Variants in ANKRD42 observed in about 807,000 individuals in gnomAD.
The protein encoded by ANKRD42 is ankyrin repeat domain 42.
ANKRD42 carries 43 observed loss-of-function variants against 51.5 expected under a neutral mutation model. That is an observed-to-expected ratio of 0.83 (90% CI 0.65 to 1.08). The LOEUF (loss-of-function observed/expected upper bound fraction) is 1.08, where lower values mean the gene tolerates loss of function less well. Among genes scored for constraint, ANKRD42 ranks in the 50% least tolerant of loss-of-function variants. The pLI, the probability that ANKRD42 is intolerant of heterozygous loss-of-function variation, is 0.00. For synonymous variants in ANKRD42, 203 were observed against 213.0 expected (o/e 0.95, Z 0.41); for missense variants, 608 against 629.3 (o/e 0.97, Z 0.36).
Position 83,209,039 on chromosome 11 carries a change from A to G in ANKRD42, c.331-1261A>G, listed in dbSNP as rs180752291. On this transcript the variant is annotated intron_variant, in intron 3 of 10. Transcript: ENST00000533342. ...TTGCAAATTCAGATGGAACCTCTTT[A>G]GATGTAGTTAGAAACTTGATTTGGA... Among the ~76,000 whole-genome samples, 11 of 152,334 alleles carry G rather than the reference A, an allele frequency of 7.2e-5. No homozygotes were observed. In the East Asian group the frequency reaches 1.7e-3, roughly 24 times the overall value.
At chr11:83,243,332 T>A (rs1863446970) in intron 9 of ANKRD42, among the ~76,000 whole-genome samples, 1 of 152,126 alleles carries the variant, frequency 6.6e-6, no homozygotes, top group African/African-American at 2.4e-5. Flanking sequence ...TAGTGTAGTG[T>A]CTCGACATCA....
In ANKRD42 at chr11:83,214,375, A is replaced by G. The variant is rs1288240076; in HGVS notation, c.586+2945A>G. 7.3e-6 allele frequency: 7 copies of G among 953,070 alleles called. No homozygotes were observed. The East Asian group carries it at 8.1e-4, about 110-fold the overall frequency. The allele number at this position is 953,070 out of a possible 1,614,324, so 59.0% of individuals were successfully genotyped here. On this transcript the variant is annotated intron_variant, in intron 5 of 10. Coordinates refer to ENST00000533342, the MANE Select transcript of ANKRD42 (RefSeq NM_001300975.2). ...GACTTTTCCGTGTGTAATACAAGGT[A>G]GGGGTCAGTTTTATTTTTGTATTGT...
chr11:83,250,415 A>G (rs2135563004), downstream of ANKRD42, among the ~76,000 whole-genome samples: 1 of 152,292 alleles, frequency 6.6e-6, no homozygotes, highest in South Asian at 2.1e-4. Context: ...AGGAGGTAGA[A>G]TGATATATAT....
At chr11:83,224,717 G>A in intron 5 of ANKRD42, 138 bp from the exon 6 acceptor site, 1 of 568,284 alleles carries the variant, frequency 1.8e-6, no homozygotes, top group East Asian at 3.5e-5. Flanking sequence ...CCAGGAGTTG[G>A]AGGCTATAAT....
intron 2 of ANKRD42, among the ~76,000 whole-genome samples, chr11:83,201,273 G>T (rs1483313548): frequency 1.3e-5 from 2 of 152,072 alleles, no homozygotes; most frequent in Non-Finnish European, 2.9e-5. Flanking sequence ...TCCTGTGTTA[G>T]TTTGCTAAGA....
intron 7 of ANKRD42, among the ~76,000 whole-genome samples, chr11:83,228,236 T>C (rs1286362016): frequency 0.096 from 2,524 of 26,362 alleles, 418 homozygotes; most frequent in African/African-American, 0.17. Flanking sequence ...TCTCTCTTTT[T>C]TTTTTTTTTT....
downstream of ANKRD42, among the ~76,000 whole-genome samples, chr11:83,250,345 C>A (rs931544664): frequency 6.6e-6 from 1 of 152,110 alleles, no homozygotes; most frequent in Admixed American, 6.5e-5. Context: ...TTTTTGATAA[C>A]AGCTGTTTTT....
At chr11:83,218,866 T>G (rs1285726827) in intron 5 of ANKRD42, among the ~76,000 whole-genome samples, 1 of 152,200 alleles carries the variant, frequency 6.6e-6, no homozygotes, top group Non-Finnish European at 1.5e-5. Flanking sequence ...ATAAGGGACT[T>G]CACTCCATTT....
chr11:83,247,888 A>G (rs1397157112), intron 10 of ANKRD42, 55 bp from the exon 11 acceptor site: 7 of 1,421,146 alleles, frequency 4.9e-6, no homozygotes, highest in Non-Finnish European at 5.7e-6. Flanking sequence ...CACTACTAAA[A>G]GTAATTATTA....
intron 3 of ANKRD42, among the ~76,000 whole-genome samples, chr11:83,208,215 G>GGC (rs1565179083): frequency 1.2e-4 from 18 of 151,654 alleles, no homozygotes; most frequent in African/African-American, 4.1e-4. Context: ...ATGTCTGTGG[G>GGC]AGGGGGGGGT....
chr11:83,252,608 G>A (rs1257998719), downstream of ANKRD42, among the ~76,000 whole-genome samples: 1 of 152,080 alleles, frequency 6.6e-6, no homozygotes, highest in Admixed American at 6.5e-5. Context: ...AACACATACC[G>A]TGTGATTACA....
intron 2 of ANKRD42, among the ~76,000 whole-genome samples, chr11:83,199,925 T>C (rs1467512557): frequency 6.6e-6 from 1 of 152,202 alleles, no homozygotes; most frequent in Non-Finnish European, 1.5e-5. Flanking sequence ...TGGAGCCTGA[T>C]GGTTCTTTGT....
intron 2 of ANKRD42, among the ~76,000 whole-genome samples, chr11:83,200,539 C>T (rs566787407): frequency 6.6e-6 from 1 of 152,242 alleles, no homozygotes; most frequent in African/African-American, 2.4e-5. Context: ...TTCATATAAT[C>T]AAAACACATT....
chr11:83,206,371 G>T (rs1240202589), intron 3 of ANKRD42, among the ~76,000 whole-genome samples: 1 of 152,038 alleles, frequency 6.6e-6, no homozygotes, highest in Non-Finnish European at 1.5e-5. Flanking sequence ...CTCTGATGTA[G>T]TTGGCTGTCT....
At chr11:83,252,470 A>C (rs188922749), downstream of ANKRD42, among the ~76,000 whole-genome samples, 35 of 152,372 alleles carry the variant, frequency 2.3e-4, 1 homozygote, top group Non-Finnish European at 1.5e-5. Context: ...AGTAAGAATC[A>C]ATACATTTTG....
intron 3 of ANKRD42, chr11:83,209,363 G>T: frequency 1.3e-6 from 2 of 1,493,152 alleles, no homozygotes; most frequent in Non-Finnish European, 1.8e-6. Flanking sequence ...TTGGAGGTTG[G>T]CAGCGCGGGG....
rs749850438 is a variant in ANKRD42, at chr11:83,227,783, G to T, written c.824G>T (p.Gly275Val). The T allele has an allele frequency of 1.2e-6, 2 of 1,613,180 alleles. No individual in the cohort carries two copies. The highest frequency in any genetic ancestry group is 1.7e-6 in the Non-Finnish European group (2 of 1,179,724). Residue 275 changes from glycine (G) to valine (V), a missense_variant, in exon 7 of 11, where the codon GGT (glycine) becomes GTT (valine). By Grantham distance (109) the Gly-to-Val change is moderately radical (BLOSUM62 -3). Coordinates refer to ENST00000533342, the MANE Select transcript of ANKRD42 (RefSeq NM_001300975.2). ...AFPGHVAAFK[G>V]DLGMLKKLVE... is the part of the protein sequence containing the mutation. ...CCAGGTCATGTGGCTGCCTTTAAGG[G>T]TGATTTGGGGATGCTTAAGAAATTA... is the stretch of plus-strand genomic sequence containing the variant.
chr11:83,256,211 A>C, downstream of ANKRD42: 1 of 203,096 alleles, frequency 4.9e-6, no homozygotes, highest in Non-Finnish European at 9.9e-6. Context: ...AAGCTTTAAA[A>C]TATTAGCTGG....
chr11:83,262,523 T>C (rs633484), downstream of ANKRD42, among the ~76,000 whole-genome samples: 2 of 152,198 alleles, frequency 1.3e-5, no homozygotes, highest in African/African-American at 4.8e-5. Flanking sequence ...TACATCATTT[T>C]GGATAAAAAA....
Sources: gnomAD v4.1 joint callset for allele counts (sites outside exome capture counted in the v4.1 genomes callset) on GRCh38, gnomAD v4.1.1 for gene constraint, MANE v1.5 for transcripts, NCBI Gene and HGNC (gene_info 2026-07-23, HGNC 2026-07-21) for gene names.